Variants in CYP20A1 observed in about 807,000 individuals in gnomAD.
CYP20A1 encodes cytochrome P450 family 20 subfamily A member 1, also known as cytochrome P450 20A1.
A neutral mutation model predicts 61.4 loss-of-function variants in CYP20A1; 61 were observed. That is an observed-to-expected ratio of 0.99 (90% CI 0.81 to 1.23). CYP20A1 has a LOEUF of 1.23. Ranked by LOEUF, CYP20A1 falls within the 50% of genes most tolerant of loss-of-function variation. CYP20A1 has a pLI of 0.00. For synonymous variants in CYP20A1, 193 were observed against 188.2 expected (o/e 1.03, Z -0.21); for missense variants, 530 against 542.4 (o/e 0.98, Z 0.23).
rs982337067 is a variant in CYP20A1, at chr2:203,282,763, T to A, written c.850+2650T>A. Among the ~76,000 whole-genome samples, 3 of 152,152 alleles carry A rather than the reference T, an allele frequency of 2.0e-5. No individual in the cohort carries two copies. The South Asian group carries it at 6.2e-4, about 32-fold the overall frequency. ...CTTAATAAGTCCTTACTCTGCCCCT[T>A]ATTAGCCTTGGGCAAGATACTTATC... On this transcript the variant is annotated intron_variant, in intron 8 of 12. Coordinates refer to ENST00000356079, the MANE Select transcript of CYP20A1 (RefSeq NM_177538.3).
At chr2:203,257,976 A>C (rs2066972086) in intron 4 of CYP20A1, among the ~76,000 whole-genome samples, 9 of 152,192 alleles carry the variant, frequency 5.9e-5, no homozygotes, top group South Asian at 2.1e-4. Flanking sequence ...ATTATAGCTC[A>C]CTGGAGCATC....
intron 6 of CYP20A1, among the ~76,000 whole-genome samples, chr2:203,273,991 C>G (rs1341815743): frequency 6.6e-6 from 1 of 151,860 alleles, no homozygotes; most frequent in Non-Finnish European, 1.5e-5. Flanking sequence ...AAAATTCTTG[C>G]CATTATAACA....
intron 1 of CYP20A1, among the ~76,000 whole-genome samples, chr2:203,239,337 C>T (rs938874933): frequency 6.6e-6 from 1 of 152,018 alleles, no homozygotes; most frequent in African/African-American, 2.4e-5. Context: ...ACGTGGGCTG[C>T]GTCGCTACCC....
chr2:203,248,763 A>G (rs531906741), intron 3 of CYP20A1, among the ~76,000 whole-genome samples: 2 of 152,290 alleles, frequency 1.3e-5, no homozygotes, highest in East Asian at 3.9e-4. Context: ...GCTAGAGTGC[A>G]GCAGTGCTAT....
chr2:203,245,860 T>A lies in CYP20A1; in HGVS notation c.87T>A (p.Ala29=), dbSNP rs762309813. ...TTTTTTGTAAGGCTTCCAGACAAGC[T>A]GCAGGAATTCCAGGGATTACTCCAA... ...VLYLYPASRQ[A]AGIPGITPTE... is the part of the protein sequence containing the mutation. Residue 29 remains alanine, a synonymous_variant, in exon 2 of 13, where the codon GCT becomes GCA. Transcript: ENST00000356079. 6.9e-6 allele frequency: 11 copies of A among 1,603,614 alleles called. No individual in the cohort carries two copies. Among genetic ancestry groups the A allele is most frequent in the Non-Finnish European group, 9.4e-6 (11 of 1,172,960 alleles).
chr2:203,266,941 A>G (rs1399736441), intron 5 of CYP20A1, among the ~76,000 whole-genome samples: 1 of 152,138 alleles, frequency 6.6e-6, no homozygotes, highest in Non-Finnish European at 1.5e-5. Flanking sequence ...AGATCATGCC[A>G]CTGCACTCCA....
In CYP20A1 at chr2:203,280,837, ATTGCCATAAATTTC is replaced by A. The variant is rs371600453; in HGVS notation, c.850+728_850+741del. Among the ~76,000 whole-genome samples, 9 of 152,306 alleles carry A rather than the reference ATTGCCATAAATTTC, an allele frequency of 5.9e-5. 1 individual carries two copies. Among genetic ancestry groups the A allele is most frequent in the African/African-American group, 2.2e-4 (9 of 41,570 alleles). ...CAAGTGCTTAAAGCCACCTCTGAAA[ATTGCCATAAATTTC>A]TTGACACATTTTATGGATTGTGAAT... On this transcript the variant is annotated intron_variant, in intron 8 of 12. Transcript: ENST00000356079.
chr2:203,287,909 C>T (rs1478296875), intron 9 of CYP20A1, among the ~76,000 whole-genome samples: 2 of 151,304 alleles, frequency 1.3e-5, no homozygotes, highest in African/African-American at 4.9e-5. Flanking sequence ...ATTCTCTTTT[C>T]GTCTCTTCTT....
At chr2:203,254,133 A>T (rs187570341) in intron 4 of CYP20A1, among the ~76,000 whole-genome samples, 151 of 151,352 alleles carry the variant, frequency 1.0e-3, no homozygotes, top group African/African-American at 3.4e-3. Flanking sequence ...TTTTTAGTAG[A>T]GATGGGGTTT....
At chr2:203,271,082 A>ATATATAT (rs1178482961) in intron 5 of CYP20A1, among the ~76,000 whole-genome samples, 3 of 31,632 alleles carry the variant, frequency 9.5e-5, no homozygotes, top group Non-Finnish European at 5.8e-5. Flanking sequence ...ATATATATAT[A>ATATATAT]TTTTTTTTTT....
At chr2:203,281,960 A>T (rs1428583794) in intron 8 of CYP20A1, among the ~76,000 whole-genome samples, 1 of 152,074 alleles carries the variant, frequency 6.6e-6, no homozygotes, top group African/African-American at 2.4e-5. Context: ...CTTCTTTAAC[A>T]TATAGAAATG....
chr2:203,281,304 T>G (rs1490860949), intron 8 of CYP20A1, among the ~76,000 whole-genome samples: 6 of 151,866 alleles, frequency 4.0e-5, no homozygotes, highest in Non-Finnish European at 4.4e-5. Context: ...CCCAGAAATT[T>G]GGGACCAGCC....
chr2:203,286,239 A>C (rs986350459), intron 9 of CYP20A1, among the ~76,000 whole-genome samples: 1 of 152,176 alleles, frequency 6.6e-6, no homozygotes, highest in Non-Finnish European at 1.5e-5. Context: ...CAGTGATTGC[A>C]TCACTGCACT....
chr2:203,242,413 G>A (rs1038261843), intron 1 of CYP20A1, among the ~76,000 whole-genome samples: 6 of 152,168 alleles, frequency 3.9e-5, no homozygotes, highest in Admixed American at 3.9e-4. Context: ...AGAGAAGGAA[G>A]TGAGGTGAAT....
At chr2:203,240,722 C>G (rs1458021645) in intron 1 of CYP20A1, among the ~76,000 whole-genome samples, 2 of 151,848 alleles carry the variant, frequency 1.3e-5, no homozygotes, top group East Asian at 3.9e-4. Flanking sequence ...AGCAAGGGGA[C>G]CAGTGTGGTT....
At position 203,251,994 on chromosome 2, in the gene CYP20A1, C is replaced by T; in HGVS notation, c.317C>T (p.Ser106Leu). 1 of 1,603,550 alleles carries T rather than the reference C, an allele frequency of 6.2e-7. No homozygotes were observed. The highest frequency in any genetic ancestry group is 8.5e-7 in the Non-Finnish European group (1 of 1,174,598). The change falls in exon 4 of 13, where the codon TCA becomes TTA. Residue 106 changes from serine (S) to leucine (L), a missense_variant. By Grantham distance (145) the Ser-to-Leu change is moderately radical. Transcript: ENST00000356079. ...TSDPFETMLK[S>L]LLRYQSGGGS... ...GACCCTTTTGAAACCATGCTGAAGT[C>T]ATTATTAAGGTATCAATCTGGTGGT...
Position 203,266,543 on chromosome 2 carries a change from C to G in CYP20A1, c.462C>G (p.Leu154=), listed in dbSNP as rs1434838876. 1 of 1,614,040 alleles carries G rather than the reference C, an allele frequency of 6.2e-7. No individual in the cohort carries two copies. The highest frequency in any genetic ancestry group is 1.3e-5 in the African/African-American group (1 of 75,020). ...KLSEELLDKW[L]SYPETQHVPL... ...CAGAAGAATTATTAGATAAATGGCT[C>G]TCCTACCCAGAGACCCAGCACGTGC... The change falls in exon 5 of 13, where the codon CTC becomes CTG. Residue 154 remains leucine (L), a synonymous_variant. Transcript: ENST00000356079.
Position 203,305,227 on chromosome 2 carries a change from A to C in CYP20A1, c.*8319A>C, listed in dbSNP as rs2069172034. Reference sequence around the variant, plus strand: ...TTTTTTTTTTTTTTTTTTGAGACCGAGTCTCCCTCTGTCACCAGGCTGGAG... The same window carrying C: ...TTTTTTTTTTTTTTTTTTGAGACCGCGTCTCCCTCTGTCACCAGGCTGGAG... On this transcript the variant is annotated 3_prime_UTR_variant, in exon 13 of 13. Coordinates refer to ENST00000356079, the MANE Select transcript of CYP20A1 (RefSeq NM_177538.3). Among the ~76,000 whole-genome samples, 1 of 106,998 alleles carries C rather than the reference A, an allele frequency of 9.3e-6. No homozygotes were observed. Among genetic ancestry groups the C allele is most frequent in the Non-Finnish European group, 1.7e-5 (1 of 57,980 alleles). The allele number at this position is 106,998 out of a possible 152,430, so 70.2% of individuals were successfully genotyped here.
In CYP20A1 at chr2:203,278,570, A is replaced by G; in HGVS notation, c.680-3A>G. The G allele has an allele frequency of 6.7e-7, 1 of 1,494,088 alleles. No individual in the cohort carries two copies. Among genetic ancestry groups the G allele is most frequent in the Non-Finnish European group, 9.1e-7 (1 of 1,098,118 alleles). The allele number at this position is 1,494,088 out of a possible 1,614,324, so 92.6% of individuals were successfully genotyped here. On this transcript the variant is annotated splice_region_variant and splice_polypyrimidine_tract_variant and intron_variant, in intron 6 of 12. Transcript: ENST00000356079. Reference sequence around the variant, plus strand: ...CTAAAATTATTTTGTTTTTTTCTCTAAGCCCTCATGCAACTGGAGTCTGTT... The same window carrying G: ...CTAAAATTATTTTGTTTTTTTCTCTGAGCCCTCATGCAACTGGAGTCTGTT...
Sources: gnomAD v4.1 joint callset for allele counts (sites outside exome capture counted in the v4.1 genomes callset) on GRCh38, gnomAD v4.1.1 for gene constraint, MANE v1.5 for transcripts, NCBI Gene and HGNC (gene_info 2026-07-23, HGNC 2026-07-21) for gene names.